SORCS2: variants seen among roughly 807,000 people sequenced by gnomAD.
The protein encoded by SORCS2 is VPS10 domain-containing receptor SorCS2.
SORCS2 carries 100 observed loss-of-function variants against 141.6 expected under a neutral mutation model. The observed-to-expected ratio is 0.71, with a 90% CI of 0.60 to 0.83. SORCS2 has a LOEUF of 0.83. Ranked by LOEUF, SORCS2 falls within the 40% of genes least tolerant of loss-of-function variation. The pLI, the probability that SORCS2 is intolerant of heterozygous loss-of-function variation, is 0.00. For synonymous variants in SORCS2, 789 were observed against 676.9 expected, an observed-to-expected ratio of 1.17 and a Z score of -2.57; for missense variants, 1,646 against 1,560.2, an observed-to-expected ratio of 1.05 and a Z score of -0.93.
intron 1 of SORCS2, among the ~76,000 whole-genome samples, chr4:7,297,939 C>T (rs1424042327): frequency 6.6e-6 from 1 of 152,246 alleles, no homozygotes; most frequent in Non-Finnish European, 1.5e-5. Context: ...ACTGAGCCCC[C>T]TGGGGCTGGT....
intron 12 of SORCS2, among the ~76,000 whole-genome samples, chr4:7,701,895 C>T (rs1303395231): frequency 1.3e-5 from 2 of 152,182 alleles, no homozygotes; most frequent in East Asian, 3.9e-4. Flanking sequence ...CTGGGGTACC[C>T]CCAGCCCAGC....
chr4:7,449,282 C>T (rs1161083788), intron 2 of SORCS2, among the ~76,000 whole-genome samples: 3 of 5,660 alleles, frequency 5.3e-4, no homozygotes, highest in Non-Finnish European at 9.8e-4. Flanking sequence ...TTCCTCCCTC[C>T]CTTCCTCCCT....
intron 1 of SORCS2, among the ~76,000 whole-genome samples, chr4:7,322,936 C>T (rs1718990487): frequency 6.6e-6 from 1 of 150,954 alleles, no homozygotes; most frequent in East Asian, 2.0e-4. Context: ...TCAGTTTCTG[C>T]TGAAATCTAC....
At chr4:7,418,389 C>T (rs191107523) in intron 2 of SORCS2, among the ~76,000 whole-genome samples, 25 of 152,160 alleles carry the variant, frequency 1.6e-4, no homozygotes, top group Admixed American at 4.6e-4. Context: ...AGTGCTCTCC[C>T]GCCAAGACTT....
chr4:7,599,196 G>A (rs952355434), intron 3 of SORCS2, among the ~76,000 whole-genome samples: 2 of 152,120 alleles, frequency 1.3e-5, no homozygotes, highest in African/African-American at 2.4e-5. Context: ...CACAGCTCTT[G>A]AGTTCCTGAG....
intron 1 of SORCS2, among the ~76,000 whole-genome samples, chr4:7,338,364 G>A (rs1396634952): frequency 3.3e-5 from 5 of 151,552 alleles, no homozygotes; most frequent in African/African-American, 1.2e-4. Context: ...TTGGATGGAT[G>A]GATGGATGGA....
rs77466992 is a variant in SORCS2 at position 7,739,232 on chromosome 4, C to T, written c.3416-968C>T. 2.7e-3 allele frequency among the ~76,000 whole-genome samples: 407 copies of T among 152,276 alleles called. 12 individuals carry two copies. In the East Asian group the frequency reaches 0.038, roughly 14 times the overall value. The stretch of plus-strand genomic sequence containing the variant: ...TGTGTGCCCCCCGAAGGCCCCGGGC[C>T]GCGGGTGAGCGTCCTACAACTCTAA... On this transcript the variant is annotated intron_variant, in intron 26 of 26. Transcript: ENST00000507866.
In SORCS2 at chr4:7,348,440, C is replaced by T. The variant is rs534938556; in HGVS notation, c.481-47848C>T. Among the ~76,000 whole-genome samples, 3 of 152,296 alleles carry T rather than the reference C, an allele frequency of 2.0e-5. No individual in the cohort carries two copies. In the South Asian group the frequency reaches 6.2e-4, roughly 32 times the overall value. ...GTTCACCTGCTTCCCCACAATGGCCCCACTACTGTCATCAGCCTCCACTTT... is the reference window on the plus strand; with the variant it reads ...GTTCACCTGCTTCCCCACAATGGCCTCACTACTGTCATCAGCCTCCACTTT... On this transcript the variant is annotated intron_variant, in intron 1 of 26. Transcript: ENST00000507866.
intron 1 of SORCS2, among the ~76,000 whole-genome samples, chr4:7,309,149 C>T (rs961839673): frequency 2.0e-5 from 3 of 152,184 alleles, no homozygotes; most frequent in African/African-American, 4.8e-5. Flanking sequence ...AATCACCGGG[C>T]GCACGCTGGC....
At chr4:7,659,774 T>C (rs1449699904) in intron 5 of SORCS2, among the ~76,000 whole-genome samples, 2 of 152,164 alleles carry the variant, frequency 1.3e-5, no homozygotes, top group Admixed American at 1.3e-4. Context: ...CCAGGGCACA[T>C]GTAGACTCCA....
chr4:7,532,868 C>A (rs1013985108), intron 3 of SORCS2, among the ~76,000 whole-genome samples: 18 of 152,006 alleles, frequency 1.2e-4, no homozygotes, highest in African/African-American at 9.7e-5. Flanking sequence ...GAGCTTCCAG[C>A]TGGACAGACT....
intron 3 of SORCS2, among the ~76,000 whole-genome samples, chr4:7,623,692 A>T (rs1041981098): frequency 6.6e-6 from 1 of 151,902 alleles, no homozygotes; most frequent in Non-Finnish European, 1.5e-5. Context: ...CGCTGTCTCT[A>T]TGGTCTTACC....
At chr4:7,518,120 C>T (rs1577686412) in intron 2 of SORCS2, among the ~76,000 whole-genome samples, 1 of 152,324 alleles carries the variant, frequency 6.6e-6, no homozygotes, top group East Asian at 1.9e-4. Flanking sequence ...GGTTAAGGTG[C>T]AGCTTCTTTT....
rs149658156 is a variant in SORCS2 at position 7,725,435 on chromosome 4, GA to G, written c.2745+149del. On this transcript the variant is annotated intron_variant, in intron 20 of 26. Transcript: ENST00000507866. The stretch of plus-strand genomic sequence containing the variant: ...CTTGGGCCCCTCCTGGGGCAGTTGA[GA>G]GGGGCACACCCTCCGTGGGTGCCTT... 0.011 allele frequency: 12,819 copies of G among 1,208,990 alleles called. 662 individuals carry two copies. The African/African-American group carries it at 0.13, about 12-fold the overall frequency. The allele number at this position is 1,208,990 out of a possible 1,614,324, so 74.9% of individuals were successfully genotyped here.
At chr4:7,604,556 C>T (rs1183656898) in intron 3 of SORCS2, among the ~76,000 whole-genome samples, 1 of 152,214 alleles carries the variant, frequency 6.6e-6, no homozygotes, top group Admixed American at 6.5e-5. Context: ...GCCTCGGCCT[C>T]CCAAAGTGCT....
chr4:7,512,805 G>A (rs1328802918), intron 2 of SORCS2, among the ~76,000 whole-genome samples: 1 of 152,094 alleles, frequency 6.6e-6, no homozygotes, highest in Non-Finnish European at 1.5e-5. Context: ...CCCACCAGTG[G>A]ACACATGGGC....
chr4:7,576,172 C>G (rs981611073), intron 3 of SORCS2, among the ~76,000 whole-genome samples: 2 of 152,200 alleles, frequency 1.3e-5, no homozygotes, highest in African/African-American at 4.8e-5. Context: ...CTAACATTCT[C>G]CTTCTGACCA....
intron 1 of SORCS2, among the ~76,000 whole-genome samples, chr4:7,222,336 C>G (rs374194215): frequency 2.6e-5 from 4 of 152,248 alleles, no homozygotes; most frequent in South Asian, 4.1e-4. Flanking sequence ...ACACCTGATA[C>G]GTGATGAACC....
At chr4:7,536,957 A>G (rs1226971328) in intron 3 of SORCS2, among the ~76,000 whole-genome samples, 1 of 152,118 alleles carries the variant, frequency 6.6e-6, no homozygotes, top group Admixed American at 6.5e-5. Flanking sequence ...CGGTAGAGAG[A>G]ACAGAAGCAA....
Sources: gnomAD v4.1 joint callset for allele counts (sites outside exome capture counted in the v4.1 genomes callset) on GRCh38, gnomAD v4.1.1 for gene constraint, MANE v1.5 for transcripts, NCBI Gene and HGNC (gene_info 2026-07-23, HGNC 2026-07-21) for gene names.